The following DOCK2 variants were observed in gnomAD, a reference collection of about 807,000 sequenced individuals.
The protein encoded by DOCK2 is dedicator of cytokinesis protein 2.
Under a neutral mutation model 248.9 loss-of-function variants are expected in DOCK2, and 87 were observed. The observed-to-expected ratio is 0.35, with a 90% confidence interval of 0.29 to 0.42. The LOEUF is 0.42. Ranked by LOEUF, DOCK2 falls within the 10% of genes least tolerant of loss-of-function variation. The pLI, the probability that DOCK2 is intolerant of heterozygous loss-of-function variation, is 1.00. For missense variants in DOCK2, 1,747 were observed against 2,300.2 expected (o/e 0.76, Z 4.92); for synonymous variants, 805 against 821.6 (o/e 0.98, Z 0.35).
intron 46 of DOCK2, among the ~76,000 whole-genome samples, chr5:170,069,971 C>T (rs1215151122): frequency 2.0e-5 from 3 of 152,168 alleles, no homozygotes; most frequent in Non-Finnish European, 4.4e-5. Flanking sequence ...ACACATCTTA[C>T]TCCTCTCTTG....
At chr5:170,062,141 G>C (rs10052906) in intron 44 of DOCK2, among the ~76,000 whole-genome samples, 19 of 151,696 alleles carry the variant, frequency 1.3e-4, no homozygotes, top group African/African-American at 4.4e-4. Context: ...GAGAGAGAGA[G>C]AGAGAGACAG....
chr5:169,982,446 A>C (rs1238242643), intron 27 of DOCK2, among the ~76,000 whole-genome samples: 1 of 152,022 alleles, frequency 6.6e-6, no homozygotes, highest in African/African-American at 2.4e-5. Context: ...TCTTCTTTGA[A>C]TCTTTCTGGT....
chr5:170,019,817 G>T (rs1393497375), intron 33 of DOCK2, among the ~76,000 whole-genome samples: 1 of 152,020 alleles, frequency 6.6e-6, no homozygotes, highest in African/African-American at 2.4e-5. Flanking sequence ...TAGGAAGGTT[G>T]GTCTTTAAGT....
chr5:169,790,214 A>G (rs10054949), intron 25 of DOCK2, among the ~76,000 whole-genome samples: 21,911 of 152,186 alleles, frequency 0.14, 2,456 homozygotes, highest in African/African-American at 0.31. Context: ...TTAATGCATG[A>G]TTTTCCCAGA....
At chr5:169,905,783 G>C (rs563414898) in intron 27 of DOCK2, among the ~76,000 whole-genome samples, 1 of 152,178 alleles carries the variant, frequency 6.6e-6, no homozygotes, top group Non-Finnish European at 1.5e-5. Flanking sequence ...AGCTGCGATT[G>C]GTCCTCTGTC....
intron 27 of DOCK2, among the ~76,000 whole-genome samples, chr5:169,932,782 C>T (rs1220857433): frequency 6.6e-6 from 1 of 152,050 alleles, no homozygotes; most frequent in Non-Finnish European, 1.5e-5. Flanking sequence ...AAACACTCAC[C>T]TATGCATAGT....
intron 30 of DOCK2, among the ~76,000 whole-genome samples, chr5:169,999,387 A>G (rs1261480679): frequency 6.6e-6 from 1 of 152,210 alleles, no homozygotes; most frequent in African/African-American, 2.4e-5. Flanking sequence ...AGTGCTGGGG[A>G]CATAGCAGCC....
rs1253771565 is a variant in DOCK2 at position 169,699,454 on chromosome 5, G to A, written c.1128G>A (p.Gly376=). The A allele has an allele frequency of 4.3e-6, 7 of 1,612,162 alleles. No individual in the cohort carries two copies. Among genetic ancestry groups the A allele is most frequent in the Non-Finnish European group, 5.9e-6 (7 of 1,178,992 alleles). ...TAGCCTCCAAGGGGGACAGTGGAGG[G>A]CAAGGTAAAGTGCCAATATGCCAGT... ...KVIASKGDSG[G]QGLWVTMKML... Residue 376 remains glycine, a synonymous_variant, in exon 12 of 52, where the codon GGG becomes GGA. Coordinates refer to ENST00000520908, the MANE Select transcript of DOCK2 (RefSeq NM_004946.3).
At chr5:169,859,021 A>T (rs1016352008) in intron 27 of DOCK2, among the ~76,000 whole-genome samples, 7 of 152,146 alleles carry the variant, frequency 4.6e-5, no homozygotes, top group Non-Finnish European at 1.0e-4. Context: ...TTCAAAATAT[A>T]TTTAAAAAAT....
intron 41 of DOCK2, among the ~76,000 whole-genome samples, chr5:170,053,150 T>A (rs1354708024): frequency 6.6e-6 from 1 of 152,206 alleles, no homozygotes; most frequent in Non-Finnish European, 1.5e-5. Flanking sequence ...TCACCAGCCA[T>A]CCTCCTGGTA....
At chr5:169,872,033 A>G (rs971438731) in intron 27 of DOCK2, among the ~76,000 whole-genome samples, 1 of 152,192 alleles carries the variant, frequency 6.6e-6, no homozygotes, top group Non-Finnish European at 1.5e-5. Flanking sequence ...ATAAACAGGC[A>G]TGCCAACAAG....
intron 32 of DOCK2, among the ~76,000 whole-genome samples, chr5:170,017,408 C>T (rs915381722): frequency 3.3e-5 from 5 of 152,208 alleles, no homozygotes; most frequent in African/African-American, 7.2e-5. Context: ...CTGACCCTCA[C>T]TTCCCAGGAA....
chr5:169,719,023 T>G (rs1762053642), intron 22 of DOCK2, among the ~76,000 whole-genome samples: 1 of 152,198 alleles, frequency 6.6e-6, no homozygotes, highest in Non-Finnish European at 1.5e-5. Flanking sequence ...AACCAGTAAA[T>G]GTGATTTGAG....
At chr5:169,716,445 A>G in intron 20 of DOCK2, 143 bp downstream of exon 20, 1 of 734,766 alleles carries the variant, frequency 1.4e-6, no homozygotes, top group Non-Finnish European at 2.2e-6. Flanking sequence ...TGGCAACAAG[A>G]CCAATAATGA....
At chr5:169,654,946 C>T (rs1487306828) in intron 2 of DOCK2, among the ~76,000 whole-genome samples, 1 of 152,184 alleles carries the variant, frequency 6.6e-6, no homozygotes, top group East Asian at 1.9e-4. Flanking sequence ...AGCTGGGAGC[C>T]CTGTCTTGGG....
intron 21 of DOCK2, among the ~76,000 whole-genome samples, chr5:169,717,782 C>T (rs1037269502): frequency 1.3e-5 from 2 of 152,190 alleles, no homozygotes; most frequent in African/African-American, 4.8e-5. Flanking sequence ...ACAGAGAAGA[C>T]CAGGTGTGGT....
intron 27 of DOCK2, among the ~76,000 whole-genome samples, chr5:169,960,337 T>C (rs1777034491): frequency 6.6e-6 from 1 of 152,214 alleles, no homozygotes; most frequent in Admixed American, 6.5e-5. Flanking sequence ...TTACATCTGC[T>C]CATTTATGGT....
chr5:169,985,898 T>C lies in DOCK2; in HGVS notation c.2969T>C (p.Met990Thr), dbSNP rs1307775065. 2 of 1,611,274 alleles carry C rather than the reference T, an allele frequency of 1.2e-6. No individual in the cohort carries two copies. The highest frequency in any genetic ancestry group is 1.7e-6 in the Non-Finnish European group (2 of 1,178,392). Reference protein sequence around the residue: ...IGKNVYPGDWMAMSMVQNRVF... With the variant: ...IGKNVYPGDWTAMSMVQNRVF... ...AAGAACGTGTACCCTGGAGACTGGATGGCCATGAGCATGGTTCAAAACAGG... is the reference window on the plus strand; with the variant it reads ...AAGAACGTGTACCCTGGAGACTGGACGGCCATGAGCATGGTTCAAAACAGG... Residue 990 changes from methionine (M) to threonine (T), a missense_variant, in exon 29 of 52, where the codon ATG becomes ACG. Met to Thr is a moderately conservative substitution (Grantham distance 81). Around this residue, in one of 4 missense-constraint regions of DOCK2, gnomAD observed 858 missense variants for 1,183.5 expected, o/e 0.72. Transcript: ENST00000520908.
At chr5:169,681,181 T>C (rs1254617231) in intron 6 of DOCK2, among the ~76,000 whole-genome samples, 1 of 138,590 alleles carries the variant, frequency 7.2e-6, no homozygotes, top group Non-Finnish European at 1.5e-5. Flanking sequence ...TGGAGTGCAG[T>C]GGTGCAATCT....
Sources: gnomAD v4.1 joint callset for allele counts (sites outside exome capture counted in the v4.1 genomes callset) on GRCh38, gnomAD v4.1.1 for gene constraint, gnomAD v4.1.1 regional missense constraint, MANE v1.5 for transcripts, NCBI Gene and HGNC (gene_info 2026-07-23, HGNC 2026-07-21) for gene names.